FRMD4B: variants seen among roughly 807,000 people sequenced by gnomAD.
The protein encoded by FRMD4B is FERM domain-containing protein 4B.
FRMD4B carries 74 observed loss-of-function variants against 141.5 expected under a neutral mutation model. That is an observed-to-expected ratio of 0.52 (90% CI 0.43 to 0.63). The LOEUF is 0.63. Among genes scored for constraint, FRMD4B ranks in the 30% least tolerant of loss-of-function variants. The probability of loss-of-function intolerance (pLI) is 0.00; values close to 1 mark genes in which losing one functional copy is unlikely to be tolerated. For missense variants in FRMD4B, 1,366 were observed against 1,253.4 expected (o/e 1.09, Z -1.36); for synonymous variants, 506 against 467.9 (o/e 1.08, Z -1.05).
intron 17 of FRMD4B, among the ~76,000 whole-genome samples, chr3:69,191,790 A>ACTT (rs1027410525): frequency 3.5e-4 from 53 of 152,312 alleles, no homozygotes; most frequent in African/African-American, 1.3e-3. Flanking sequence ...TAAGCACAAC[A>ACTT]CTAATCACCC....
chr3:69,188,670 T>C (rs112616675), intron 18 of FRMD4B, among the ~76,000 whole-genome samples: 9,852 of 145,328 alleles, frequency 0.068, 773 homozygotes, highest in East Asian at 0.32. Flanking sequence ...GGCAGGAGAA[T>C]GGCGTGAACC....
intron 1 of FRMD4B, among the ~76,000 whole-genome samples, chr3:69,477,400 G>A (rs1706021342): frequency 6.7e-6 from 1 of 149,460 alleles, no homozygotes; most frequent in African/African-American, 2.5e-5. Context: ...TTTACTGAGA[G>A]TTTTTAGCAT....
intron 1 of FRMD4B, among the ~76,000 whole-genome samples, chr3:69,436,868 T>C (rs999364582): frequency 1.3e-5 from 2 of 152,224 alleles, no homozygotes; most frequent in African/African-American, 2.4e-5. Flanking sequence ...ATTGTATGAT[T>C]CCACTTACAT....
chr3:69,449,732 CTTTTG>C (rs954800357), intron 1 of FRMD4B, among the ~76,000 whole-genome samples: 28 of 151,958 alleles, frequency 1.8e-4, no homozygotes, highest in Non-Finnish European at 4.4e-5. Context: ...TCCCCTAAGG[CTTTTG>C]TTTTGTTTTG....
intron 1 of FRMD4B, among the ~76,000 whole-genome samples, chr3:69,327,763 T>C (rs1702231146): frequency 6.6e-6 from 1 of 152,200 alleles, no homozygotes; most frequent in South Asian, 2.1e-4. Flanking sequence ...CACCAAATTG[T>C]AAAAACAGAA....
chr3:69,221,342 G>A (rs768712205), intron 9 of FRMD4B, among the ~76,000 whole-genome samples: 6 of 152,134 alleles, frequency 3.9e-5, no homozygotes, highest in Admixed American at 1.3e-4. Flanking sequence ...GTAGCATGAA[G>A]AAACAGACTA....
intron 5 of FRMD4B, among the ~76,000 whole-genome samples, chr3:69,261,563 T>G (rs1224642822): frequency 1.3e-5 from 2 of 152,262 alleles, no homozygotes; most frequent in Non-Finnish European, 2.9e-5. Flanking sequence ...TATATCTGGT[T>G]GCATTACATG....
At chr3:69,301,619 T>A (rs775977193) in intron 4 of FRMD4B, among the ~76,000 whole-genome samples, 19 of 152,218 alleles carry the variant, frequency 1.2e-4, no homozygotes, top group Admixed American at 3.3e-4. Context: ...CATGAGCCAC[T>A]GTGCCTGGCC....
At chr3:69,211,479 T>C (rs1451387361) in intron 11 of FRMD4B, among the ~76,000 whole-genome samples, 1 of 151,828 alleles carries the variant, frequency 6.6e-6, no homozygotes, top group Non-Finnish European at 1.5e-5. Context: ...CCCTGGGAGG[T>C]CAAACAAATA....
intron 2 of FRMD4B, among the ~76,000 whole-genome samples, chr3:69,406,727 G>C (rs1704655414): frequency 6.6e-6 from 1 of 151,788 alleles, no homozygotes; most frequent in African/African-American, 2.4e-5. Context: ...ATTAATGTTA[G>C]GTTTTGTTTT....
Position 69,181,745 on chromosome 3 carries a change from A to G in FRMD4B, c.2040-35T>C, listed in dbSNP as rs766985565. ...GAGAAAGGCAAACTTCTCAACACCA[A>G]GAAGAAAAGGAGGACCCAAATAAGA... On this transcript the variant is annotated intron_variant, in intron 20 of 22. Transcript: ENST00000398540. 1.2e-5 allele frequency: 16 copies of G among 1,341,138 alleles called. No individual in the cohort carries two copies. In the Admixed American group the frequency reaches 3.2e-4, roughly 27 times the overall value. 83.1% of individuals were successfully genotyped at this position (1,341,138 alleles called of 1,614,324 possible). A position where few individuals can be genotyped will look rare whatever the true frequency, so the allele number is the denominator to read the frequency against.
chr3:69,290,788 TTTTAGA>T (rs1700847396), intron 4 of FRMD4B, among the ~76,000 whole-genome samples: 1 of 152,060 alleles, frequency 6.6e-6, no homozygotes, highest in African/African-American at 2.4e-5. Flanking sequence ...AGACTCTGAG[TTTTAGA>T]GATCTGCCTA....
rs1030050868 is a variant in FRMD4B at position 69,237,638 on chromosome 3, G to T, written c.581+11588C>A. Among the ~76,000 whole-genome samples, 3 of 152,160 alleles carry T rather than the reference G, an allele frequency of 2.0e-5. No individual in the cohort carries two copies. The East Asian group carries it at 5.8e-4, about 29-fold the overall frequency. On this transcript the variant is annotated intron_variant, in intron 7 of 22. Transcript: ENST00000398540. Reference sequence around the variant, plus strand: ...CGCCTTCATGGGGGTTCAGGTGCGAGCATGCATTTCTACACCATCTCTGGT... The same window carrying T: ...CGCCTTCATGGGGGTTCAGGTGCGATCATGCATTTCTACACCATCTCTGGT...
At chr3:69,357,451 A>C (rs1181585166) in intron 1 of FRMD4B, among the ~76,000 whole-genome samples, 1 of 152,188 alleles carries the variant, frequency 6.6e-6, no homozygotes, top group African/African-American at 2.4e-5. Context: ...TTATATGTGA[A>C]ACTGTGCCTA....
chr3:69,257,369 A>G (rs894780189), intron 5 of FRMD4B, among the ~76,000 whole-genome samples: 4 of 152,158 alleles, frequency 2.6e-5, no homozygotes, highest in Admixed American at 2.0e-4. Flanking sequence ...GGGAGGACCC[A>G]TGGAAGAAGT....
At chr3:69,356,930 T>C (rs1187393678) in intron 1 of FRMD4B, among the ~76,000 whole-genome samples, 1 of 152,182 alleles carries the variant, frequency 6.6e-6, no homozygotes, top group East Asian at 1.9e-4. Context: ...CCGTTTCTGC[T>C]CAAGCTGGTT....
chr3:69,305,773 T>C (rs554147195), intron 3 of FRMD4B, among the ~76,000 whole-genome samples: 1 of 152,282 alleles, frequency 6.6e-6, no homozygotes, highest in East Asian at 1.9e-4. Context: ...ATTGAAAGCA[T>C]AATGTATATT....
At chr3:69,518,736 G>A (rs929389970) in intron 1 of FRMD4B, among the ~76,000 whole-genome samples, 8 of 152,132 alleles carry the variant, frequency 5.3e-5, no homozygotes, top group Non-Finnish European at 1.0e-4. Context: ...AGTTAGCTGT[G>A]GGGAGCTATA....
At chr3:69,463,346 C>G (rs1429753412) in intron 1 of FRMD4B, among the ~76,000 whole-genome samples, 1 of 152,238 alleles carries the variant, frequency 6.6e-6, no homozygotes, top group Admixed American at 6.5e-5. Flanking sequence ...GAGGACTTAC[C>G]TCTAACTTGG....
Sources: gnomAD v4.1 joint callset for allele counts (sites outside exome capture counted in the v4.1 genomes callset) on GRCh38, gnomAD v4.1.1 for gene constraint, MANE v1.5 for transcripts, NCBI Gene and HGNC (gene_info 2026-07-23, HGNC 2026-07-21) for gene names.